PTPRT: variants seen among roughly 807,000 people sequenced by gnomAD.
PTPRT encodes receptor-type tyrosine-protein phosphatase T.
A neutral mutation model predicts 176.8 loss-of-function variants in PTPRT; 56 were observed. The ratio of observed to expected loss-of-function variants is 0.32; its 90% confidence interval spans 0.26 to 0.40. PTPRT has a LOEUF of 0.40. PTPRT is among the 10% of genes least tolerant of loss of function. PTPRT has a pLI of 1.00. For synonymous variants in PTPRT, 783 were observed against 739.0 expected, an observed-to-expected ratio of 1.06 and a Z score of -0.96; for missense variants, 1,540 against 1,908.2, an observed-to-expected ratio of 0.81 and a Z score of 3.60.
intron 1 of PTPRT, among the ~76,000 whole-genome samples, chr20:42,962,344 G>T (rs963373875): frequency 2.6e-5 from 4 of 152,020 alleles, no homozygotes; most frequent in South Asian, 2.1e-4. Context: ...GTTGTTACAG[G>T]TACCAGTGCA....
intron 7 of PTPRT, among the ~76,000 whole-genome samples, chr20:42,552,173 A>C (rs1307216486): frequency 6.6e-6 from 1 of 152,194 alleles, no homozygotes; most frequent in African/African-American, 2.4e-5. Context: ...AGATGAAGGA[A>C]TACATGAAAG....
At chr20:42,726,979 GAATA>G (rs1166184274) in intron 6 of PTPRT, among the ~76,000 whole-genome samples, 1 of 152,226 alleles carries the variant, frequency 6.6e-6, no homozygotes, top group Non-Finnish European at 1.5e-5. Flanking sequence ...GACATGCTAT[GAATA>G]AATGTCAGTG....
chr20:42,469,768 G>A (rs1023979353), intron 8 of PTPRT, among the ~76,000 whole-genome samples: 17 of 149,636 alleles, frequency 1.1e-4, no homozygotes, highest in African/African-American at 4.0e-4. Flanking sequence ...GAACTGGAAG[G>A]GTGTAAGGGA....
intron 4 of PTPRT, among the ~76,000 whole-genome samples, chr20:42,779,796 T>C (rs868407699): frequency 1.3e-5 from 2 of 152,008 alleles, no homozygotes; most frequent in African/African-American, 4.8e-5. Flanking sequence ...TCAGGGTACT[T>C]TTCCCTGTGA....
intron 1 of PTPRT, among the ~76,000 whole-genome samples, chr20:42,973,946 C>T (rs1057139014): frequency 6.6e-6 from 1 of 152,136 alleles, no homozygotes; most frequent in Non-Finnish European, 1.5e-5. Context: ...GACGGTGATT[C>T]CTAGCACTAC....
chr20:43,052,825 A>G (rs1237458326), intron 1 of PTPRT, among the ~76,000 whole-genome samples: 1 of 152,190 alleles, frequency 6.6e-6, no homozygotes, highest in Non-Finnish European at 1.5e-5. Context: ...TTAAGTAATC[A>G]CTAACACACT....
chr20:42,949,132 T>C (rs1981071531), intron 1 of PTPRT, among the ~76,000 whole-genome samples: 1 of 152,206 alleles, frequency 6.6e-6, no homozygotes, highest in Non-Finnish European at 1.5e-5. Context: ...GGGAAACTTA[T>C]CTCCAAGATG....
chr20:43,156,918 G>A (rs893286988), intron 1 of PTPRT, among the ~76,000 whole-genome samples: 44 of 152,196 alleles, frequency 2.9e-4, no homozygotes, highest in African/African-American at 1.0e-3. Context: ...TCCTTGGTCA[G>A]GGTTCAGGCA....
At chr20:42,241,897 T>A (rs2056361360) in intron 14 of PTPRT, among the ~76,000 whole-genome samples, 1 of 152,158 alleles carries the variant, frequency 6.6e-6, no homozygotes. Flanking sequence ...TGTTTTATAT[T>A]TAATCCAGAT....
At chr20:43,179,224 T>C (rs558163639) in intron 1 of PTPRT, among the ~76,000 whole-genome samples, 1 of 152,322 alleles carries the variant, frequency 6.6e-6, no homozygotes, top group South Asian at 2.1e-4. Context: ...ACTGTACTAC[T>C]GCCACAACAA....
chr20:42,221,128 C>A (rs557993929), intron 15 of PTPRT, among the ~76,000 whole-genome samples: 4 of 152,256 alleles, frequency 2.6e-5, no homozygotes. Flanking sequence ...CTCAGCCTCC[C>A]GAGTAGCTGA....
At chr20:42,081,762 G>T in intron 30 of PTPRT, 120 bp downstream of exon 30, 1 of 1,291,726 alleles carries the variant, frequency 7.7e-7, no homozygotes, top group Non-Finnish European at 1.1e-6. Flanking sequence ...CAAGGGCACA[G>T]AATGCAGGTA....
At chr20:42,405,035 T>C (rs967220676) in intron 9 of PTPRT, among the ~76,000 whole-genome samples, 1 of 134,208 alleles carries the variant, frequency 7.5e-6, no homozygotes, top group Non-Finnish European at 1.6e-5. Context: ...CATTATGCAC[T>C]AAAAGAACTT....
At chr20:42,911,909 T>G (rs1419997364) in intron 1 of PTPRT, among the ~76,000 whole-genome samples, 1 of 152,054 alleles carries the variant, frequency 6.6e-6, no homozygotes, top group Non-Finnish European at 1.5e-5. Flanking sequence ...CTAAATGTTC[T>G]TCTAAAACCC....
intron 16 of PTPRT, among the ~76,000 whole-genome samples, chr20:42,198,177 G>A (rs1991305112): frequency 1.3e-5 from 2 of 152,174 alleles, no homozygotes; most frequent in Admixed American, 1.3e-4. Flanking sequence ...AACAAGCTGT[G>A]TGGCTCTGAG....
chr20:43,085,593 G>C (rs1177657917), intron 1 of PTPRT, among the ~76,000 whole-genome samples: 3 of 152,174 alleles, frequency 2.0e-5, no homozygotes, highest in African/African-American at 4.8e-5. Context: ...AGGTGAATGA[G>C]GAGCAGTCAC....
At chr20:42,694,340 G>A (rs2075839393) in intron 6 of PTPRT, among the ~76,000 whole-genome samples, 1 of 152,128 alleles carries the variant, frequency 6.6e-6, no homozygotes, top group Non-Finnish European at 1.5e-5. Flanking sequence ...GCCCGGCCTA[G>A]TCCAAGTTTT....
intron 2 of PTPRT, among the ~76,000 whole-genome samples, chr20:42,820,312 AT>A (rs2145652301): frequency 6.6e-6 from 1 of 152,336 alleles, no homozygotes; most frequent in South Asian, 2.1e-4. Flanking sequence ...CTGCTCCTGA[AT>A]GACTCCTGGG....
intron 15 of PTPRT, among the ~76,000 whole-genome samples, chr20:42,222,762 A>G (rs2055914880): frequency 6.6e-6 from 1 of 152,306 alleles, no homozygotes; most frequent in African/African-American, 2.4e-5. Context: ...ATGCTTTATA[A>G]TAGACCATTA....
Sources: allele counts gnomAD v4.1 joint callset (sites outside exome capture counted in the v4.1 genomes callset), GRCh38; gene constraint gnomAD v4.1.1; transcripts MANE v1.5; gene names NCBI Gene and HGNC (gene_info 2026-07-23, HGNC 2026-07-21).